Variants in ALK observed in about 807,000 individuals in gnomAD.
ALK encodes the protein ALK receptor tyrosine kinase.
In ALK, 74 loss-of-function variants were observed where a neutral mutation model predicts 163.1. The observed-to-expected ratio is 0.45, with a 90% CI of 0.38 to 0.55. ALK has a LOEUF of 0.55. Among genes scored for constraint, ALK ranks in the 20% least tolerant of loss-of-function variants. ALK has a pLI of 0.00. For missense variants in ALK, 2,063 were observed against 2,105.3 expected (o/e 0.98, Z 0.39); for synonymous variants, 960 against 843.2 (o/e 1.14, Z -2.40).
chr2:29,390,705 C>T (rs1254818296), intron 4 of ALK, among the ~76,000 whole-genome samples: 10 of 152,086 alleles, frequency 6.6e-5, no homozygotes, highest in African/African-American at 2.4e-4. Context: ...CCATTCAGCA[C>T]AATTTTTTAC....
At chr2:29,602,637 C>T (rs1675411186) in intron 3 of ALK, among the ~76,000 whole-genome samples, 1 of 152,174 alleles carries the variant, frequency 6.6e-6, no homozygotes, top group African/African-American at 2.4e-5. Flanking sequence ...AATGTCACCA[C>T]CCCTCACCTG....
chr2:29,558,391 T>A (rs1343237040), intron 3 of ALK, among the ~76,000 whole-genome samples: 2 of 152,162 alleles, frequency 1.3e-5, no homozygotes, highest in Non-Finnish European at 2.9e-5. Context: ...TAGAATGAAG[T>A]CCAAACTCTT....
chr2:29,910,156 A>G (rs1667664907), intron 1 of ALK, among the ~76,000 whole-genome samples: 1 of 152,170 alleles, frequency 6.6e-6, no homozygotes. Context: ...GAAAGACATA[A>G]ACATAATGAA....
rs2148179219 is a variant in ALK at position 29,227,483 on chromosome 2, A to G, written c.2914+91T>C. 1.7e-6 allele frequency: 2 copies of G among 1,147,368 alleles called. No homozygotes were observed. Among genetic ancestry groups the G allele is most frequent in the Non-Finnish European group, 2.7e-6 (2 of 754,316 alleles). The allele number at this position is 1,147,368 out of a possible 1,614,324, so 71.1% of individuals were successfully genotyped here. On this transcript the variant is annotated intron_variant, in intron 17 of 28. Transcript: ENST00000389048. The surrounding 1 kb of genome is among the most constrained non-coding windows in gnomAD (Gnocchi z 4.4). ...CAGGGACCCATAATTGTGCCTCTGT[A>G]TCCTGGATACAGGTCAGAGACTCTG...
At chr2:29,371,189 A>G (rs1668629747) in intron 5 of ALK, among the ~76,000 whole-genome samples, 1 of 152,218 alleles carries the variant, frequency 6.6e-6, no homozygotes. Flanking sequence ...TTCCTCCCCA[A>G]ACAAATCTCA....
intron 1 of ALK, among the ~76,000 whole-genome samples, chr2:29,845,984 C>A (rs1665831626): frequency 1.3e-5 from 2 of 152,216 alleles, no homozygotes; most frequent in African/African-American, 4.8e-5. Context: ...ATGAAGGAAG[C>A]CTTTTCCAGT....
intron 1 of ALK, among the ~76,000 whole-genome samples, chr2:29,815,198 G>A (rs1664865735): frequency 6.6e-6 from 1 of 151,452 alleles, no homozygotes; most frequent in African/African-American, 2.4e-5. Flanking sequence ...AAGTTCTTAG[G>A]CTTTCTTAGG....
intron 12 of ALK, among the ~76,000 whole-genome samples, chr2:29,247,349 A>G (rs779995409): frequency 2.0e-5 from 3 of 152,170 alleles, no homozygotes; most frequent in Non-Finnish European, 4.4e-5. Context: ...GGTGCTTACT[A>G]TGGGTCACTG....
At chr2:29,401,313 C>T (rs1224295355) in intron 4 of ALK, among the ~76,000 whole-genome samples, 3 of 152,120 alleles carry the variant, frequency 2.0e-5, no homozygotes, top group Non-Finnish European at 4.4e-5. Context: ...TACTCCACAA[C>T]CCCCTCAGGT....
chr2:29,634,312 A>G (rs572310789), intron 3 of ALK, among the ~76,000 whole-genome samples: 1 of 152,280 alleles, frequency 6.6e-6, no homozygotes, highest in South Asian at 2.1e-4. Flanking sequence ...TCAAACAGAG[A>G]CAGTACAAAA....
At chr2:29,329,327 C>G (rs368069219) in intron 5 of ALK, among the ~76,000 whole-genome samples, 1 of 152,222 alleles carries the variant, frequency 6.6e-6, no homozygotes, top group Admixed American at 6.5e-5. Context: ...GAAGGCTGGT[C>G]TGGCTTAGCC....
chr2:29,200,732 T>C lies in ALK; in HGVS notation c.3939-3056A>G, dbSNP rs561226962. On this transcript the variant is annotated intron_variant, in intron 26 of 28. Coordinates refer to ENST00000389048, the MANE Select transcript of ALK (RefSeq NM_004304.5). ...TCAAATATACATACGTATATATGTATATATATACGTATATATATACGTATA... is the reference window on the plus strand; with the variant it reads ...TCAAATATACATACGTATATATGTACATATATACGTATATATATACGTATA... 5.9e-3 allele frequency among the ~76,000 whole-genome samples: 819 copies of C among 138,466 alleles called. 11 individuals are homozygous for C. Among genetic ancestry groups the C allele is most frequent in the African/African-American group, 0.022 (772 of 34,700 alleles). 90.8% of individuals were successfully genotyped at this position (138,466 alleles called of 152,430 possible). A position where few individuals can be genotyped will look rare whatever the true frequency, so the allele number is the denominator to read the frequency against.
chr2:29,206,993 A>C (rs1189818570), intron 26 of ALK, among the ~76,000 whole-genome samples, 178 bp downstream of exon 26: 1 of 152,172 alleles, frequency 6.6e-6, no homozygotes, highest in Non-Finnish European at 1.5e-5. Flanking sequence ...AATTTTAACA[A>C]GTCTTTATGA....
Position 29,560,867 on chromosome 2 carries a change from C to T in ALK, c.953-28751G>A, listed in dbSNP as rs968738337. ...GATTACAAGCATGAGCCACGGCACC[C>T]GGCCCAACTCTGTAAAATTTACTAA... On this transcript the variant is annotated intron_variant, in intron 3 of 28. Transcript: ENST00000389048. Among the ~76,000 whole-genome samples, 17 of 152,126 alleles carry T rather than the reference C, an allele frequency of 1.1e-4. No individual in the cohort carries two copies. In the South Asian group the frequency reaches 2.1e-3, roughly 19 times the overall value.
chr2:29,883,029 T>TGAAG (rs530107967), intron 1 of ALK, among the ~76,000 whole-genome samples: 2 of 148,426 alleles, frequency 1.3e-5, no homozygotes, highest in Admixed American at 6.8e-5. Context: ...AATTTTTTCA[T>TGAAG]GAAGGAAGGA....
chr2:29,227,031 G>A lies in ALK; in HGVS notation c.2958C>T (p.Asn986=), dbSNP rs2148178617. The A allele has an allele frequency of 6.2e-7, 1 of 1,614,194 alleles. No homozygotes were observed. The highest frequency in any genetic ancestry group is 8.5e-7 in the Non-Finnish European group (1 of 1,180,048). Residue 986 remains asparagine, a synonymous_variant, in exon 18 of 29, where the codon AAC becomes AAT. Coordinates refer to ENST00000389048, the MANE Select transcript of ALK (RefSeq NM_004304.5). This position sits in a 1 kb window ranked among gnomAD's most constrained non-coding sequence, Gnocchi z 4.4. ...ATTCGTCTACCTCACAGTGACTGCA[G>A]TTTAGATAATGCTTAATATTCACTT... The part of the protein sequence containing the change: ...HGEVNIKHYL[N]CSHCEVDECH...
intron 4 of ALK, among the ~76,000 whole-genome samples, chr2:29,458,868 C>T (rs918802849): frequency 4.3e-4 from 65 of 152,114 alleles, no homozygotes; most frequent in African/African-American, 1.5e-3. Context: ...GTTTGGTGTT[C>T]CCCTTTCTGA....
intron 1 of ALK, among the ~76,000 whole-genome samples, chr2:29,784,522 C>T (rs1421602512): frequency 1.3e-5 from 2 of 152,090 alleles, no homozygotes; most frequent in Non-Finnish European, 2.9e-5. Flanking sequence ...GTGGCAAAAC[C>T]CTGTCTCTAC....
At chr2:29,848,553 T>C (rs1240598068) in intron 1 of ALK, among the ~76,000 whole-genome samples, 1 of 152,214 alleles carries the variant, frequency 6.6e-6, no homozygotes, top group Admixed American at 6.5e-5. Context: ...ACCTAGCCTG[T>C]AAAACCTTAA....
Sources: allele counts gnomAD v4.1 joint callset (sites outside exome capture counted in the v4.1 genomes callset), GRCh38; gene constraint gnomAD v4.1.1; non-coding constraint Gnocchi (gnomAD v3.1); transcripts MANE v1.5; gene names NCBI Gene and HGNC (gene_info 2026-07-23, HGNC 2026-07-21).